ANO2: variants seen among roughly 807,000 people sequenced by gnomAD.
ANO2 encodes the protein anoctamin-2.
A neutral mutation model predicts 124.2 loss-of-function variants in ANO2; 101 were observed. That is an observed-to-expected ratio of 0.81 (90% CI 0.69 to 0.96). ANO2 has a LOEUF of 0.96. Among genes scored for constraint, ANO2 ranks in the 40% least tolerant of loss-of-function variants. The probability of loss-of-function intolerance (pLI) is 0.00; values close to 1 mark genes in which losing one functional copy is unlikely to be tolerated. For synonymous variants in ANO2, 486 were observed against 482.5 expected, an observed-to-expected ratio of 1.01 and a Z score of -0.09; for missense variants, 1,293 against 1,274.5, an observed-to-expected ratio of 1.01 and a Z score of -0.22.
chr12:5,814,612 C>A, intron 7 of ANO2, among the ~76,000 whole-genome samples: 1 of 152,198 alleles, frequency 6.6e-6, no homozygotes, highest in Non-Finnish European at 1.5e-5. Context: ...TTTCTGTCTT[C>A]CGTAACTAGA....
intron 20 of ANO2, among the ~76,000 whole-genome samples, chr12:5,579,310 T>C (rs563247229): frequency 6.6e-6 from 1 of 152,318 alleles, no homozygotes; most frequent in East Asian, 1.9e-4. Context: ...ATAAAGAATG[T>C]ACTAGTGATA....
At chr12:5,751,643 CTCCATAAAGTTA>C (rs1472839871) in intron 10 of ANO2, among the ~76,000 whole-genome samples, 14 of 152,172 alleles carry the variant, frequency 9.2e-5, no homozygotes, top group Non-Finnish European at 1.9e-4. Flanking sequence ...TCACCAATCA[CTCCATAAAGTTA>C]TCCAGTACCT....
rs560372151 is a variant in ANO2, at chr12:5,911,540, G to A, written c.534+9500C>T. Among the ~76,000 whole-genome samples the A allele has an allele frequency of 2.0e-5, 3 of 152,322 alleles. No homozygotes were observed. The East Asian group carries it at 5.8e-4, about 29-fold the overall frequency. ...AATGCAGACATTGATGTGAATGACA[G>A]TAGGAAGCACGGGTGATACTCAAGA... On this transcript the variant is annotated intron_variant, in intron 3 of 24. Coordinates refer to ENST00000682330, the MANE Select transcript of ANO2 (RefSeq NM_001364791.2).
chr12:5,777,490 G>C (rs1329843771), intron 10 of ANO2, among the ~76,000 whole-genome samples: 1 of 152,110 alleles, frequency 6.6e-6, no homozygotes, highest in Non-Finnish European at 1.5e-5. Context: ...GAACTGAGGG[G>C]ACCAAAAGGC....
chr12:5,643,370 A>G (rs1199483384), intron 15 of ANO2, among the ~76,000 whole-genome samples: 2 of 152,180 alleles, frequency 1.3e-5, no homozygotes, highest in East Asian at 1.9e-4. Flanking sequence ...GATGTTATAC[A>G]TAGCTATTAG....
rs1951380227 is a variant in ANO2 at position 5,749,681 on chromosome 12, T to C, written c.1190+1155A>G. 2.0e-5 allele frequency among the ~76,000 whole-genome samples: 3 copies of C among 152,368 alleles called. No homozygotes were observed. In the South Asian group the frequency reaches 6.2e-4, roughly 32 times the overall value. ...CAATTCTGAAGATGGCAAGAGTGTT[T>C]AAATTCTAAATATTAGCTAAGTGTC... On this transcript the variant is annotated intron_variant, in intron 11 of 24. Transcript: ENST00000682330.
chr12:5,714,638 CCTATT>C (rs1949947779), intron 14 of ANO2, among the ~76,000 whole-genome samples: 1 of 152,178 alleles, frequency 6.6e-6, no homozygotes, highest in Non-Finnish European at 1.5e-5. Flanking sequence ...TCTTTCTCCT[CCTATT>C]CTTTCTCTTT....
chr12:5,607,429 T>C (rs1944275478), intron 19 of ANO2, among the ~76,000 whole-genome samples: 1 of 152,086 alleles, frequency 6.6e-6, no homozygotes, highest in African/African-American at 2.4e-5. Context: ...AAAACCTTTT[T>C]TTTTTTTAAG....
intron 10 of ANO2, among the ~76,000 whole-genome samples, chr12:5,781,904 A>G (rs1211169795): frequency 6.6e-6 from 1 of 152,238 alleles, no homozygotes; most frequent in Non-Finnish European, 1.5e-5. Flanking sequence ...GTCCATGTGC[A>G]TGTGAAAATA....
At position 5,599,473 on chromosome 12, in the gene ANO2, T is replaced by G. The variant is rs777675768; in HGVS notation, c.2233+11A>C. The G allele has an allele frequency of 1.1e-5, 18 of 1,595,794 alleles. No homozygotes were observed. Among genetic ancestry groups the G allele is most frequent in the Non-Finnish European group, 1.4e-5 (16 of 1,174,462 alleles). On this transcript the variant is annotated intron_variant, in intron 20 of 24. Transcript: ENST00000682330. ...CTGCCCCCAGTGGAAGGCAGGACCA[T>G]GGGTTCTCACTCATTTCCATGTACT... is the stretch of plus-strand genomic sequence containing the variant.
At chr12:5,657,992 C>T (rs974363615) in intron 14 of ANO2, among the ~76,000 whole-genome samples, 3 of 152,084 alleles carry the variant, frequency 2.0e-5, no homozygotes, top group African/African-American at 7.2e-5. Flanking sequence ...AGGTTCAAGG[C>T]CAGCAATCTG....
At chr12:5,621,347 A>G (rs532040742) in intron 16 of ANO2, among the ~76,000 whole-genome samples, 1 of 152,372 alleles carries the variant, frequency 6.6e-6, no homozygotes, top group South Asian at 2.1e-4. Context: ...TTTGTCCCAT[A>G]TTAAAAATTC....
intron 13 of ANO2, among the ~76,000 whole-genome samples, chr12:5,735,542 G>T (rs1325259716): frequency 6.6e-6 from 1 of 152,192 alleles, no homozygotes; most frequent in African/African-American, 2.4e-5. Context: ...GGTACAGTGA[G>T]TAAACCAGCA....
chr12:5,753,408 C>A (rs901178970), intron 10 of ANO2, among the ~76,000 whole-genome samples: 5 of 152,100 alleles, frequency 3.3e-5, no homozygotes, highest in Non-Finnish European at 5.9e-5. Context: ...AGATATTTAG[C>A]CTTTTATCTG....
chr12:5,788,415 T>A (rs991255295), intron 10 of ANO2, among the ~76,000 whole-genome samples: 3 of 152,252 alleles, frequency 2.0e-5, no homozygotes, highest in Non-Finnish European at 4.4e-5. Context: ...CCCAGTAGGA[T>A]GATAAATTAT....
intron 4 of ANO2, among the ~76,000 whole-genome samples, chr12:5,835,497 C>T (rs1373589062): frequency 6.6e-6 from 1 of 152,186 alleles, no homozygotes; most frequent in Non-Finnish European, 1.5e-5. Context: ...ATTCTAGTAG[C>T]ATATACGATT....
At chr12:5,601,829 C>A (rs1016649698) in intron 19 of ANO2, among the ~76,000 whole-genome samples, 2 of 152,164 alleles carry the variant, frequency 1.3e-5, no homozygotes, top group African/African-American at 4.8e-5. Context: ...TGATGAATAT[C>A]TTGGAAGACG....
intron 3 of ANO2, among the ~76,000 whole-genome samples, chr12:5,905,762 T>C (rs1269202879): frequency 6.6e-6 from 1 of 152,010 alleles, no homozygotes; most frequent in African/African-American, 2.4e-5. Context: ...AGGCCAGAAC[T>C]AGAAAAGAAG....
At position 5,922,813 on chromosome 12, in the gene ANO2, G is replaced by A. The variant is rs1941778607; in HGVS notation, c.23-9C>T. 1 of 1,483,106 alleles carries A rather than the reference G, an allele frequency of 6.7e-7. No individual in the cohort carries two copies. Among genetic ancestry groups the A allele is most frequent in the Non-Finnish European group, 9.0e-7 (1 of 1,117,044 alleles). 91.9% of individuals were successfully genotyped at this position (1,483,106 alleles called of 1,614,324 possible). On this transcript the variant is annotated splice_polypyrimidine_tract_variant and intron_variant, in intron 1 of 24. Coordinates refer to ENST00000682330, the MANE Select transcript of ANO2 (RefSeq NM_001364791.2). ...AGGGAGCAGGGGTATATCTGTGAGA[G>A]GGAAAGACAAGGGAGGCAAAACAGC... is the stretch of plus-strand genomic sequence containing the variant.
Sources: allele counts gnomAD v4.1 joint callset (sites outside exome capture counted in the v4.1 genomes callset), GRCh38; gene constraint gnomAD v4.1.1; transcripts MANE v1.5; gene names NCBI Gene and HGNC (gene_info 2026-07-23, HGNC 2026-07-21).